Variants in SPATA1 observed in about 807,000 individuals in gnomAD.
SPATA1 encodes spermatogenesis associated 1, also known as spermatogenesis-associated protein 1.
SPATA1 carries 57 observed loss-of-function variants against 59.6 expected under a neutral mutation model. The observed-to-expected ratio is 0.96, with a 90% CI of 0.77 to 1.19. The LOEUF (loss-of-function observed/expected upper bound fraction) is 1.19. Ranked by LOEUF, SPATA1 falls within the 50% of genes most tolerant of loss-of-function variation. The pLI, the probability that SPATA1 is intolerant of heterozygous loss-of-function variation, is 0.00. For synonymous variants in SPATA1, 147 were observed against 163.9 expected, an observed-to-expected ratio of 0.90 and a Z score of 0.79; for missense variants, 448 against 480.7, an observed-to-expected ratio of 0.93 and a Z score of 0.64.
intron 6 of SPATA1, among the ~76,000 whole-genome samples, chr1:84,530,693 G>C (rs1256186177): frequency 2.0e-5 from 3 of 152,202 alleles, no homozygotes; most frequent in Non-Finnish European, 4.4e-5. Context: ...TGCCATTTTA[G>C]AGATAAGGAA....
At chr1:84,542,378 G>T (rs113489549) in intron 8 of SPATA1, among the ~76,000 whole-genome samples, 185 of 152,136 alleles carry the variant, frequency 1.2e-3, no homozygotes, top group African/African-American at 4.3e-3. Flanking sequence ...GGCTCCCAAG[G>T]ACATCTCTCC....
chr1:84,519,577 T>C (rs930232464), intron 2 of SPATA1, among the ~76,000 whole-genome samples: 6 of 152,098 alleles, frequency 3.9e-5, no homozygotes, highest in African/African-American at 1.4e-4. Flanking sequence ...AAATATTTAA[T>C]AGTATAGCTA....
intron 4 of SPATA1, among the ~76,000 whole-genome samples, chr1:84,523,806 T>C (rs1683117005): frequency 6.6e-6 from 1 of 152,128 alleles, no homozygotes; most frequent in African/African-American, 2.4e-5. Context: ...TGAACAACTC[T>C]CATAATTTTT....
chr1:84,516,604 T>C (rs1020404839), intron 2 of SPATA1, among the ~76,000 whole-genome samples: 1 of 152,192 alleles, frequency 6.6e-6, no homozygotes, highest in Non-Finnish European at 1.5e-5. Context: ...CCCCAATGCA[T>C]TGATCCTATC....
downstream of SPATA1, chr1:84,555,145 A>T (rs775088103): frequency 1.2e-6 from 2 of 1,614,078 alleles, no homozygotes; most frequent in Admixed American, 3.3e-5. Context: ...GTTGCCTTTA[A>T]AGAAATACTC....
At chr1:84,553,224 A>G in exon 13 of SPATA1, 1 of 681,206 alleles carries the variant, frequency 1.5e-6, no homozygotes, top group South Asian at 2.3e-5. Flanking sequence ...TATAAAAAGC[A>G]CAAGGTTTCT....
intron 1 of SPATA1, among the ~76,000 whole-genome samples, chr1:84,511,335 C>G (rs1374845853): frequency 6.6e-6 from 1 of 152,116 alleles, no homozygotes; most frequent in African/African-American, 2.4e-5. Flanking sequence ...ATTCCTTTTC[C>G]AACATAGATT....
chr1:84,522,230 C>T (rs927792937), intron 3 of SPATA1, among the ~76,000 whole-genome samples, 160 bp from the exon 4 acceptor site: 1 of 152,100 alleles, frequency 6.6e-6, no homozygotes, highest in Non-Finnish European at 1.5e-5. Flanking sequence ...TTATGGAAGA[C>T]CTACAAAATG....
At chr1:84,510,563 A>G (rs1682493081) in intron 1 of SPATA1, among the ~76,000 whole-genome samples, 1 of 152,232 alleles carries the variant, frequency 6.6e-6, no homozygotes. Context: ...GTTGGTGAGA[A>G]TGTAAATTAG....
intron 12 of SPATA1, 81 bp downstream of exon 12, chr1:84,550,611 AATAAT>A: frequency 7.2e-7 from 1 of 1,384,238 alleles, no homozygotes; most frequent in Admixed American, 2.8e-5. Flanking sequence ...TTTGGGTGTC[AATAAT>A]ATAAGGGTAG....
chr1:84,515,259 A>G (rs1682746085), intron 1 of SPATA1, among the ~76,000 whole-genome samples: 3 of 152,212 alleles, frequency 2.0e-5, no homozygotes, highest in Admixed American at 1.3e-4. Flanking sequence ...TACTTAAGAC[A>G]TGGTCAAAAT....
chr1:84,545,754 A>G, exon 10 of SPATA1: 1 of 1,512,308 alleles, frequency 6.6e-7, no homozygotes, highest in South Asian at 1.4e-5. Flanking sequence ...TTAAAACGAT[A>G]TCATGGTAAA....
At chr1:84,514,516 C>G (rs974034858) in intron 1 of SPATA1, among the ~76,000 whole-genome samples, 2 of 152,186 alleles carry the variant, frequency 1.3e-5, no homozygotes, top group Non-Finnish European at 2.9e-5. Flanking sequence ...TTTGGAGCAT[C>G]ATGTCAGCAT....
At chr1:84,513,844 T>TTTTTTTTC (rs1682680946) in intron 1 of SPATA1, among the ~76,000 whole-genome samples, 1 of 137,772 alleles carries the variant, frequency 7.3e-6, no homozygotes, top group African/African-American at 3.2e-5. Context: ...TATATTCTAT[T>TTTTTTTTC]TTTTTTTTTT....
At chr1:84,529,798 G>A (rs956949966) in intron 6 of SPATA1, among the ~76,000 whole-genome samples, 1 of 151,312 alleles carries the variant, frequency 6.6e-6, no homozygotes, top group Non-Finnish European at 1.5e-5. Context: ...CACCCGCCTC[G>A]GCCTCCCAAA....
chr1:84,522,458 T>C (rs749021955), exon 4 of SPATA1: 15 of 1,547,860 alleles, frequency 9.7e-6, no homozygotes, highest in East Asian at 2.3e-5. Context: ...GAAGATGCTA[T>C]TGCAGAAAAA....
intron 1 of SPATA1, among the ~76,000 whole-genome samples, chr1:84,508,628 C>T (rs1235325174): frequency 6.6e-6 from 1 of 152,114 alleles, no homozygotes; most frequent in Non-Finnish European, 1.5e-5. Flanking sequence ...TAATTAGTAC[C>T]CTAAGTTCTT....
chr1:84,538,653 T>C (rs573943576), intron 8 of SPATA1, among the ~76,000 whole-genome samples: 3 of 152,216 alleles, frequency 2.0e-5, no homozygotes, highest in Non-Finnish European at 4.4e-5. Context: ...AGAGATTTAC[T>C]GCATTAGGAT....
chr1:84,545,750 C>A, exon 10 of SPATA1: 1 of 1,511,132 alleles, frequency 6.6e-7, no homozygotes, highest in Non-Finnish European at 8.8e-7. Context: ...CAAATTAAAA[C>A]GATATCATGG....
Sources: allele counts gnomAD v4.1 joint callset (sites outside exome capture counted in the v4.1 genomes callset), GRCh38; gene constraint gnomAD v4.1.1; transcripts MANE v1.5; gene names NCBI Gene and HGNC (gene_info 2026-07-23, HGNC 2026-07-21).